The following PPP4R1 variants were observed in gnomAD, a reference collection of about 807,000 sequenced individuals.
PPP4R1 encodes serine/threonine-protein phosphatase 4 regulatory subunit 1.
Under a neutral mutation model 111.2 loss-of-function variants are expected in PPP4R1, and 42 were observed. That is an observed-to-expected ratio of 0.38 (90% CI 0.29 to 0.49). PPP4R1 has a LOEUF of 0.49. Ranked by LOEUF, PPP4R1 falls within the 20% of genes least tolerant of loss-of-function variation. The pLI, the probability that PPP4R1 is intolerant of heterozygous loss-of-function variation, is 0.97. For missense variants in PPP4R1, 1,012 were observed against 1,161.6 expected (o/e 0.87, Z 1.87); for synonymous variants, 409 against 405.5 (o/e 1.01, Z -0.10).
chr18:9,554,657 G>A (rs531392495), intron 15 of PPP4R1, among the ~76,000 whole-genome samples: 1 of 152,096 alleles, frequency 6.6e-6, no homozygotes, highest in South Asian at 2.1e-4. Flanking sequence ...CAGGCCAGGA[G>A]CAATGAGCAC....
intron 4 of PPP4R1, chr18:9,590,175 A>C (rs2145227712): frequency 6.6e-6 from 1 of 152,262 alleles, no homozygotes; most frequent in Non-Finnish European, 1.5e-5. Context: ...ATGCATTAAT[A>C]AAGCTACATT....
At chr18:9,548,230 C>A (rs902088994) in intron 19 of PPP4R1, among the ~76,000 whole-genome samples, 1 of 150,788 alleles carries the variant, frequency 6.6e-6, no homozygotes, top group Non-Finnish European at 1.5e-5. Context: ...AAACATCACA[C>A]TTCTTAGCCA....
At chr18:9,556,251 G>C (rs1175785360) in intron 15 of PPP4R1, among the ~76,000 whole-genome samples, 6 of 150,928 alleles carry the variant, frequency 4.0e-5, no homozygotes, top group African/African-American at 1.5e-4. Context: ...GGAGTGCAGT[G>C]GCATGATCTT....
rs376021191 is a variant in PPP4R1 at position 9,555,905 on chromosome 18, G to A, written c.2190+1316C>T. ...TAATCCCAGCACTTTGGGAGGCCAAGGTGGGCGGATCACAAGATCAGGAGA... is the reference window on the plus strand; with the variant it reads ...TAATCCCAGCACTTTGGGAGGCCAAAGTGGGCGGATCACAAGATCAGGAGA... On this transcript the variant is annotated intron_variant, in intron 15 of 19. Transcript: ENST00000400556. 6.6e-5 allele frequency among the ~76,000 whole-genome samples: 10 copies of A among 152,200 alleles called. No homozygotes were observed. The East Asian group carries it at 1.2e-3, about 18-fold the overall frequency.
chr18:9,553,961 A>G (rs1476434977), intron 15 of PPP4R1, among the ~76,000 whole-genome samples: 1 of 152,240 alleles, frequency 6.6e-6, no homozygotes, highest in East Asian at 1.9e-4. Flanking sequence ...GAAAAAAGCC[A>G]AAGTGTGAAC....
intron 10 of PPP4R1, among the ~76,000 whole-genome samples, chr18:9,570,892 A>G (rs1258179354): frequency 2.0e-5 from 3 of 152,220 alleles, no homozygotes; most frequent in East Asian, 1.9e-4. Flanking sequence ...CCTGTTAAGT[A>G]TAAGTCTAGA....
At chr18:9,606,385 C>T (rs2067482570) in intron 2 of PPP4R1, among the ~76,000 whole-genome samples, 1 of 152,162 alleles carries the variant, frequency 6.6e-6, no homozygotes, top group Non-Finnish European at 1.5e-5. Context: ...CTTACAACAG[C>T]AGATCTGAGT....
chr18:9,591,526 A>G (rs1270618658), intron 4 of PPP4R1, among the ~76,000 whole-genome samples: 1 of 152,176 alleles, frequency 6.6e-6, no homozygotes, highest in Non-Finnish European at 1.5e-5. Context: ...ATAAAAGCTA[A>G]TGAAAGGTAA....
At chr18:9,549,757 G>GA in intron 18 of PPP4R1, 1 of 529,560 alleles carries the variant, frequency 1.9e-6, no homozygotes, top group South Asian at 2.2e-5. Context: ...ACACACGTCT[G>GA]AATGTGTGCA....
chr18:9,614,330 C>G lies in PPP4R1; in HGVS notation c.8-60G>C, dbSNP rs1209751748. On this transcript the variant is annotated intron_variant, in intron 1 of 19. Coordinates refer to ENST00000400556, the MANE Select transcript of PPP4R1 (RefSeq NM_001042388.3). The surrounding 1 kb of genome is among the most constrained non-coding windows in gnomAD (Gnocchi z 4.1). ...CGCCCCGGGGCCCGGCGCGACGCCC[C>G]CCCCCCGCCCGCCTCCCCCCCGCCC... 4 of 1,107,036 alleles carry G rather than the reference C, an allele frequency of 3.6e-6. No homozygotes were observed. Among genetic ancestry groups the G allele is most frequent in the Non-Finnish European group, 4.4e-6 (4 of 900,004 alleles). The allele number at this position is 1,107,036 out of a possible 1,614,324, so 68.6% of individuals were successfully genotyped here. A position where few individuals can be genotyped will look rare whatever the true frequency, so the allele number is the denominator to read the frequency against.
chr18:9,576,801 T>C (rs2066942926), intron 10 of PPP4R1, among the ~76,000 whole-genome samples: 1 of 152,186 alleles, frequency 6.6e-6, no homozygotes, highest in African/African-American at 2.4e-5. Context: ...TAATCTACCA[T>C]TTAGAGTTTC....
In PPP4R1 at chr18:9,577,155, T is replaced by C. The variant is rs1459107009; in HGVS notation, c.955A>G (p.Ile319Val). ...CTAGATGGATTAGCAAAAGTAGATA[T>C]GAAAGGTCCCAGAGACTGAAAAGCT... ...QAAFQSLGPFISTFANPSSSG... is the reference protein window; with the variant it reads ...QAAFQSLGPFVSTFANPSSSG... Residue 319 changes from isoleucine (I) to valine (V), a missense_variant, in exon 10 of 20, where the codon ATA becomes GTA. Transcript: ENST00000400556. The C allele has an allele frequency of 1.2e-6, 2 of 1,609,404 alleles. No individual in the cohort carries two copies. Among genetic ancestry groups the C allele is most frequent in the East Asian group, 2.2e-5 (1 of 44,776 alleles).
intron 2 of PPP4R1, among the ~76,000 whole-genome samples, chr18:9,599,043 A>G (rs1025293178): frequency 2.7e-5 from 4 of 149,422 alleles, no homozygotes; most frequent in African/African-American, 7.4e-5. Context: ...AGAAAGAAAG[A>G]AAAAAAAAAG....
In PPP4R1 at chr18:9,614,278, G is replaced by A. The variant is rs1324311066; in HGVS notation, c.8-8C>T. The A allele has an allele frequency of 3.8e-6, 5 of 1,315,520 alleles. No individual in the cohort carries two copies. The highest frequency in any genetic ancestry group is 2.0e-5 in the South Asian group (1 of 50,338). The allele number at this position is 1,315,520 out of a possible 1,614,324, so 81.5% of individuals were successfully genotyped here. On this transcript the variant is annotated splice_region_variant and splice_polypyrimidine_tract_variant and intron_variant, in intron 1 of 19. Transcript: ENST00000400556. The surrounding 1 kb of genome is among the most constrained non-coding windows in gnomAD (Gnocchi z 4.1). ...CCTGAAGCAGCGAGAGGTCTGCGCC[G>A]AGGGGAGAGAAGAAAGGCCCGGTCA...
chr18:9,551,765 CCCGAGA>C (rs1399298212), intron 16 of PPP4R1: 1 of 152,212 alleles, frequency 6.6e-6, no homozygotes, highest in Non-Finnish European at 1.5e-5. Context: ...GGAAGTCCTG[CCCGAGA>C]CCAAGCACAG....
rs778335982 is a variant in PPP4R1 at position 9,608,747 on chromosome 18, T to TA, written c.52+5478dup. ...AAATTTAGGAACTTTCAAATTCTTT[T>TA]ACTCCAAAATATAAAAAAAAGATGT... On this transcript the variant is annotated intron_variant, in intron 2 of 19. Coordinates refer to ENST00000400556, the MANE Select transcript of PPP4R1 (RefSeq NM_001042388.3). 2.0e-5 allele frequency among the ~76,000 whole-genome samples: 3 copies of TA among 152,150 alleles called. No homozygotes were observed. The East Asian group carries it at 5.8e-4, about 29-fold the overall frequency.
At chr18:9,567,635 C>T (rs1038977231) in intron 11 of PPP4R1, among the ~76,000 whole-genome samples, 22 of 152,146 alleles carry the variant, frequency 1.4e-4, no homozygotes, top group African/African-American at 5.1e-4. Context: ...AACAAAAGAT[C>T]TAGAATATTA....
chr18:9,559,254 G>A (rs2066635813), intron 14 of PPP4R1, among the ~76,000 whole-genome samples, 165 bp downstream of exon 14: 1 of 152,176 alleles, frequency 6.6e-6, no homozygotes, highest in African/African-American at 2.4e-5. Flanking sequence ...CTCTGACACT[G>A]CAAAAAGAAC....
rs769843118 is a variant in PPP4R1 at position 9,570,221 on chromosome 18, G to A, written c.1509C>T (p.Thr503=). ...CTATCATTTCTTCCAGTTCCTTTCT[G>A]GTGGCCATGGTGATGTTTGGAGAAC... ...VPSSPNITMA[T]RKELEEMIEN... The change falls in exon 11 of 20, where the codon ACC becomes ACT. Residue 503 remains threonine, a synonymous_variant. Transcript: ENST00000400556. 8 of 1,572,734 alleles carry A rather than the reference G, an allele frequency of 5.1e-6. No homozygotes were observed. In the South Asian group the frequency reaches 9.5e-5, roughly 19 times the overall value.
Sources: gnomAD v4.1 joint callset for allele counts (sites outside exome capture counted in the v4.1 genomes callset) on GRCh38, gnomAD v4.1.1 for gene constraint, Gnocchi (gnomAD v3.1) non-coding constraint, MANE v1.5 for transcripts, NCBI Gene and HGNC (gene_info 2026-07-23, HGNC 2026-07-21) for gene names.